SNX13: variants seen among roughly 807,000 people sequenced by gnomAD.
The protein encoded by SNX13 is sorting nexin-13.
A neutral mutation model predicts 133.6 loss-of-function variants in SNX13; 45 were observed. The ratio of observed to expected loss-of-function variants is 0.34; its 90% CI spans 0.27 to 0.43. The LOEUF (loss-of-function observed/expected upper bound fraction) is 0.43, where lower values mean the gene tolerates loss of function less well. Ranked by LOEUF, SNX13 falls within the 20% of genes least tolerant of loss-of-function variation. The pLI, the probability that SNX13 is intolerant of heterozygous loss-of-function variation, is 1.00. For missense variants in SNX13, 1,032 were observed against 1,145.1 expected, an observed-to-expected ratio of 0.90 and a Z score of 1.43; for synonymous variants, 414 against 373.9, an observed-to-expected ratio of 1.11 and a Z score of -1.24.
chr7:17,894,197 G>A (rs1479159996), intron 2 of SNX13, among the ~76,000 whole-genome samples: 1 of 151,860 alleles, frequency 6.6e-6, no homozygotes, highest in Non-Finnish European at 1.5e-5. Context: ...CAGCTACTCA[G>A]GAGGCTGAGG....
At chr7:17,822,375 T>C (rs1259704650) in intron 17 of SNX13, among the ~76,000 whole-genome samples, 1 of 152,138 alleles carries the variant, frequency 6.6e-6, no homozygotes, top group African/African-American at 2.4e-5. Flanking sequence ...TTCTGCACTC[T>C]ACAATTAACG....
chr7:17,804,363 T>C (rs1784953753), intron 20 of SNX13, among the ~76,000 whole-genome samples: 2 of 152,108 alleles, frequency 1.3e-5, no homozygotes, highest in African/African-American at 4.8e-5. Context: ...CTAATAAGTA[T>C]TTGATTTATT....
intron 13 of SNX13, among the ~76,000 whole-genome samples, chr7:17,838,505 T>C (rs1391501288): frequency 6.6e-6 from 1 of 151,878 alleles, no homozygotes; most frequent in African/African-American, 2.4e-5. Context: ...TTGTTTCCTT[T>C]CTTCTGTTTG....
rs1405171333 is a variant in SNX13, at chr7:17,798,996, G to A, written c.2444+13C>T. ...GTAAGATCAGATTAAAAGCGAGGAG[G>A]AAAGAGTGCTACCTATTAATAGTAT... On this transcript the variant is annotated intron_variant, in intron 23 of 25. Coordinates refer to ENST00000428135, the MANE Select transcript of SNX13 (RefSeq NM_015132.5). The A allele has an allele frequency of 1.2e-6, 2 of 1,603,262 alleles. No homozygotes were observed. The highest frequency in any genetic ancestry group is 1.1e-5 in the South Asian group (1 of 89,196).
At chr7:17,901,862 G>C (rs781562384) in intron 1 of SNX13, among the ~76,000 whole-genome samples, 28 of 152,130 alleles carry the variant, frequency 1.8e-4, no homozygotes, top group Admixed American at 3.3e-4. Flanking sequence ...GACAATCAGT[G>C]GAGGCTTCTA....
At chr7:17,931,320 C>A (rs916675780) in intron 1 of SNX13, among the ~76,000 whole-genome samples, 1 of 151,188 alleles carries the variant, frequency 6.6e-6, no homozygotes, top group Non-Finnish European at 1.5e-5. Flanking sequence ...CACTGGATAA[C>A]ACAATATCAC....
chr7:17,881,715 T>C (rs1011430033), intron 5 of SNX13: 3 of 152,166 alleles, frequency 2.0e-5, no homozygotes, highest in Non-Finnish European at 4.4e-5. Flanking sequence ...TAATTCACTA[T>C]TAGAAAGGAT....
chr7:17,836,914 C>A (rs183575312), intron 13 of SNX13, among the ~76,000 whole-genome samples: 9 of 151,916 alleles, frequency 5.9e-5, no homozygotes, highest in African/African-American at 1.9e-4. Context: ...ACTTTTCTAT[C>A]GAGTCCATGA....
At chr7:17,934,339 C>A (rs1801782073) in intron 1 of SNX13, among the ~76,000 whole-genome samples, 1 of 152,186 alleles carries the variant, frequency 6.6e-6, no homozygotes. Context: ...CTGAGAACCT[C>A]ATTCAGGGAA....
intron 9 of SNX13, among the ~76,000 whole-genome samples, chr7:17,854,044 CT>C (rs1261197400): frequency 6.6e-6 from 1 of 151,802 alleles, no homozygotes; most frequent in East Asian, 1.9e-4. Flanking sequence ...GACAACAAAA[CT>C]GAAATTTGTA....
chr7:17,841,927 G>A (rs528150589), intron 12 of SNX13, among the ~76,000 whole-genome samples: 2 of 151,934 alleles, frequency 1.3e-5, no homozygotes, highest in Non-Finnish European at 2.9e-5. Context: ...GCAAATGTAA[G>A]GATAGATTAA....
In SNX13 at chr7:17,830,065, A is replaced by G; in HGVS notation, c.1598-18T>C. Reference sequence around the variant, plus strand: ...AAAAGATTCTGCAGGGGGGAAATTCAACTTAGTATACAGCAAAAAACTTTA... The same window carrying G: ...AAAAGATTCTGCAGGGGGGAAATTCGACTTAGTATACAGCAAAAAACTTTA... On this transcript the variant is annotated intron_variant, in intron 15 of 25. Coordinates refer to ENST00000428135, the MANE Select transcript of SNX13 (RefSeq NM_015132.5). The G allele has an allele frequency of 6.6e-7, 1 of 1,519,908 alleles. No homozygotes were observed. The allele number at this position is 1,519,908 out of a possible 1,614,324, so 94.2% of individuals were successfully genotyped here.
At chr7:17,885,777 G>T (rs185792435) in intron 5 of SNX13, among the ~76,000 whole-genome samples, 1 of 152,188 alleles carries the variant, frequency 6.6e-6, no homozygotes, top group Non-Finnish European at 1.5e-5. Flanking sequence ...GCAGTGAGCC[G>T]AGATCGTGCC....
chr7:17,824,326 G>T (rs1787632405), intron 17 of SNX13, among the ~76,000 whole-genome samples: 1 of 151,956 alleles, frequency 6.6e-6, no homozygotes, highest in Admixed American at 6.6e-5. Context: ...TGCTTCCTTG[G>T]GCCATTCTTT....
At chr7:17,933,319 G>C (rs184341056) in intron 1 of SNX13, among the ~76,000 whole-genome samples, 10 of 152,088 alleles carry the variant, frequency 6.6e-5, no homozygotes, top group Non-Finnish European at 1.5e-4. Flanking sequence ...CGAGGCGGGC[G>C]GAACATGACG....
At chr7:17,809,126 T>C (rs1785671292) in intron 20 of SNX13, among the ~76,000 whole-genome samples, 2 of 151,734 alleles carry the variant, frequency 1.3e-5, no homozygotes, top group African/African-American at 4.8e-5. Flanking sequence ...TAAATGTAAA[T>C]GGGCTAAATG....
intron 1 of SNX13, among the ~76,000 whole-genome samples, chr7:17,906,386 ACTCT>A (rs1798398661): frequency 6.6e-6 from 1 of 152,094 alleles, no homozygotes; most frequent in African/African-American, 2.4e-5. Context: ...TAGATCAACA[ACTCT>A]GGTATAGAAA....
intron 1 of SNX13, among the ~76,000 whole-genome samples, chr7:17,916,780 C>G (rs1266360196): frequency 1.3e-5 from 2 of 151,868 alleles, no homozygotes; most frequent in African/African-American, 2.4e-5. Context: ...CTCAAAAAAA[C>G]TAGGAGGAGG....
intron 9 of SNX13, among the ~76,000 whole-genome samples, chr7:17,852,711 T>A (rs1345980724): frequency 1.3e-5 from 2 of 152,140 alleles, no homozygotes; most frequent in Non-Finnish European, 2.9e-5. Context: ...CAAAGGTGTA[T>A]GATAATAAGA....
Sources: allele counts gnomAD v4.1 joint callset (sites outside exome capture counted in the v4.1 genomes callset), GRCh38; gene constraint gnomAD v4.1.1; transcripts MANE v1.5; gene names NCBI Gene and HGNC (gene_info 2026-07-23, HGNC 2026-07-21).